The following LHFPL3 variants were observed in gnomAD, a reference collection of about 807,000 sequenced individuals.
LHFPL3 encodes the protein LHFPL tetraspan subfamily member 3 protein.
LHFPL3 carries 5 observed loss-of-function variants against 19.3 expected under a neutral mutation model. The ratio of observed to expected loss-of-function variants is 0.26; its 90% confidence interval spans 0.14 to 0.54. LHFPL3 has a LOEUF of 0.54. Ranked by LOEUF, LHFPL3 falls within the 20% of genes least tolerant of loss-of-function variation. The probability of loss-of-function intolerance (pLI) is 0.94; values close to 1 mark genes in which losing one functional copy is unlikely to be tolerated. For synonymous variants in LHFPL3, 133 were observed against 126.2 expected (o/e 1.05, Z -0.36); for missense variants, 249 against 307.4 (o/e 0.81, Z 1.42).
chr7:104,390,085 ATG>A (rs1791034729), intron 1 of LHFPL3, among the ~76,000 whole-genome samples: 1 of 151,990 alleles, frequency 6.6e-6, no homozygotes, highest in Non-Finnish European at 1.5e-5. Flanking sequence ...AACCCACAGA[ATG>A]AGAGAAAATA....
intron 1 of LHFPL3, chr7:104,667,887 C>T: frequency 1.2e-6 from 2 of 1,612,404 alleles, no homozygotes; most frequent in South Asian, 1.1e-5. Flanking sequence ...AACGGATGAC[C>T]TGGAAGGAGA....
intron 1 of LHFPL3, among the ~76,000 whole-genome samples, chr7:104,492,229 C>T (rs1466407147): frequency 6.6e-6 from 1 of 151,928 alleles, no homozygotes; most frequent in East Asian, 1.9e-4. Context: ...ATGTGATGTT[C>T]CACTAAATGA....
At chr7:104,470,235 C>G (rs1229870427) in intron 1 of LHFPL3, among the ~76,000 whole-genome samples, 1 of 152,116 alleles carries the variant, frequency 6.6e-6, no homozygotes, top group African/African-American at 2.4e-5. Flanking sequence ...TGGCTTTAAG[C>G]CTAACTGGCT....
chr7:104,510,952 TA>T (rs539639760), intron 1 of LHFPL3, among the ~76,000 whole-genome samples: 309 of 152,268 alleles, frequency 2.0e-3, no homozygotes, highest in Admixed American at 4.1e-3. Flanking sequence ...TATTGGGTAC[TA>T]GGCTTAATAC....
At chr7:104,584,642 C>A (rs1790530185) in intron 1 of LHFPL3, among the ~76,000 whole-genome samples, 1 of 151,968 alleles carries the variant, frequency 6.6e-6, no homozygotes. Flanking sequence ...GAAGACTAAC[C>A]AAATGAAGAA....
intron 1 of LHFPL3, among the ~76,000 whole-genome samples, chr7:104,384,542 T>C (rs1201303462): frequency 1.3e-5 from 2 of 151,694 alleles, no homozygotes; most frequent in Non-Finnish European, 2.9e-5. Flanking sequence ...ATCCCAGCAC[T>C]TTGGGAGGCC....
intron 1 of LHFPL3, among the ~76,000 whole-genome samples, chr7:104,517,038 A>C (rs1235624476): frequency 6.6e-6 from 1 of 152,214 alleles, no homozygotes; most frequent in Non-Finnish European, 1.5e-5. Flanking sequence ...GGACTAATGC[A>C]GGAACAAAAG....
chr7:104,379,901 G>A (rs1197331790), intron 1 of LHFPL3, among the ~76,000 whole-genome samples: 1 of 152,130 alleles, frequency 6.6e-6, no homozygotes, highest in Non-Finnish European at 1.5e-5. Flanking sequence ...GACCATATTT[G>A]GGTATTTATT....
chr7:104,821,992 A>C (rs940005909), intron 2 of LHFPL3, among the ~76,000 whole-genome samples: 3 of 152,198 alleles, frequency 2.0e-5, no homozygotes, highest in Non-Finnish European at 4.4e-5. Context: ...GGGGCTAAAT[A>C]TTTACTAAAG....
intron 1 of LHFPL3, among the ~76,000 whole-genome samples, chr7:104,521,294 T>C (rs906326730): frequency 3.3e-5 from 5 of 152,194 alleles, no homozygotes; most frequent in African/African-American, 1.2e-4. Flanking sequence ...CTAGTTTGAT[T>C]GCACTGTGGT....
intron 1 of LHFPL3, among the ~76,000 whole-genome samples, chr7:104,492,842 T>C (rs62485110): frequency 0.093 from 14,209 of 152,210 alleles, 794 homozygotes; most frequent in Middle Eastern, 0.15. Flanking sequence ...TTCTGTTGCA[T>C]CTTTGATCCC....
At chr7:104,878,895 A>C (rs1366902897) in intron 2 of LHFPL3, among the ~76,000 whole-genome samples, 1 of 152,236 alleles carries the variant, frequency 6.6e-6, no homozygotes, top group Non-Finnish European at 1.5e-5. Context: ...GGTTTGATCT[A>C]TCTAGACAAC....
At chr7:104,653,724 G>T (rs1792074119) in intron 1 of LHFPL3, among the ~76,000 whole-genome samples, 1 of 152,074 alleles carries the variant, frequency 6.6e-6, no homozygotes, top group Admixed American at 6.5e-5. Flanking sequence ...TTCATAGAAC[G>T]CTTTGACATT....
chr7:104,384,028 C>G lies in LHFPL3; in HGVS notation c.445+54804C>G, dbSNP rs574840027. The stretch of plus-strand genomic sequence containing the variant: ...GTTTTTTACCTTTTCCACCTGCAAC[C>G]TGTATGATGGGAGAAGTAGAAATGA... On this transcript the variant is annotated intron_variant, in intron 1 of 2. Transcript: ENST00000424859. Among the ~76,000 whole-genome samples the G allele has an allele frequency of 1.1e-4, 17 of 152,172 alleles. No homozygotes were observed. The East Asian group carries it at 3.3e-3, about 29-fold the overall frequency.
chr7:104,812,598 A>C (rs1452358642), intron 2 of LHFPL3, among the ~76,000 whole-genome samples: 5 of 151,640 alleles, frequency 3.3e-5, no homozygotes, highest in African/African-American at 1.2e-4. Flanking sequence ...TCAGGAGTTC[A>C]AGACCAGCCT....
At chr7:104,853,503 G>A (rs745826602) in intron 2 of LHFPL3, among the ~76,000 whole-genome samples, 1 of 152,190 alleles carries the variant, frequency 6.6e-6, no homozygotes, top group Non-Finnish European at 1.5e-5. Context: ...AATGCAGACT[G>A]CGTGACTTCA....
intron 2 of LHFPL3, among the ~76,000 whole-genome samples, chr7:104,878,735 G>A (rs140267823): frequency 5.8e-4 from 88 of 152,300 alleles, no homozygotes; most frequent in African/African-American, 2.0e-3. Flanking sequence ...CGAAAGCTGA[G>A]ACAGGATAAA....
At chr7:104,403,391 C>T (rs1314650915) in intron 1 of LHFPL3, among the ~76,000 whole-genome samples, 1 of 152,104 alleles carries the variant, frequency 6.6e-6, no homozygotes, top group Non-Finnish European at 1.5e-5. Flanking sequence ...AACCTGGGCT[C>T]CTTCAGGACA....
intron 1 of LHFPL3, among the ~76,000 whole-genome samples, chr7:104,578,679 TGATA>T (rs989392408): frequency 6.6e-6 from 1 of 152,124 alleles, no homozygotes; most frequent in Non-Finnish European, 1.5e-5. Flanking sequence ...CACCCTACCG[TGATA>T]GATTGTGCTT....
Sources: gnomAD v4.1 joint callset for allele counts (sites outside exome capture counted in the v4.1 genomes callset) on GRCh38, gnomAD v4.1.1 for gene constraint, MANE v1.5 for transcripts, NCBI Gene and HGNC (gene_info 2026-07-23, HGNC 2026-07-21) for gene names.